Variants in SLC9B1 observed in about 807,000 individuals in gnomAD.
SLC9B1 encodes sodium/hydrogen exchanger 9B1.
In SLC9B1, 32 loss-of-function variants were observed where a neutral mutation model predicts 51.7. The observed-to-expected ratio is 0.62, with a 90% CI of 0.47 to 0.83. The LOEUF is 0.83. SLC9B1 is among the 40% of genes least tolerant of loss of function. The pLI, the probability that SLC9B1 is intolerant of heterozygous loss-of-function variation, is 0.00. For missense variants in SLC9B1, 406 were observed against 613.2 expected, an observed-to-expected ratio of 0.66 and a Z score of 3.57; for synonymous variants, 145 against 212.7, an observed-to-expected ratio of 0.68 and a Z score of 2.77.
chr4:102,901,409 AAAT>A (rs1243080732), intron 11 of SLC9B1, 77 bp from the exon 12 acceptor site: 7 of 1,528,770 alleles, frequency 4.6e-6, no homozygotes, highest in Non-Finnish European at 6.3e-6. Flanking sequence ...GGCTCTGTTA[AAAT>A]AAACAAAATC....
At chr4:102,940,867 A>G (rs1578365178) in intron 6 of SLC9B1, among the ~76,000 whole-genome samples, 1 of 152,180 alleles carries the variant, frequency 6.6e-6, no homozygotes, top group East Asian at 1.9e-4. Context: ...AAAAACAAGC[A>G]ATGGGGAAAG....
intron 3 of SLC9B1, among the ~76,000 whole-genome samples, chr4:102,983,350 T>C (rs1466702206): frequency 1.3e-5 from 2 of 152,158 alleles, no homozygotes; most frequent in South Asian, 2.1e-4. Flanking sequence ...GGTCTGTAGA[T>C]ATTGGTTCTA....
At chr4:103,014,012 T>C (rs188890783) in intron 1 of SLC9B1, among the ~76,000 whole-genome samples, 23 of 152,324 alleles carry the variant, frequency 1.5e-4, no homozygotes, top group Admixed American at 1.4e-3. Flanking sequence ...AAATGTAAGC[T>C]TGATTATGGC....
downstream of SLC9B1, among the ~76,000 whole-genome samples, chr4:102,899,930 AAG>A (rs1734711399): frequency 6.6e-6 from 1 of 152,160 alleles, no homozygotes; most frequent in Non-Finnish European, 1.5e-5. Context: ...TGTATTTTCT[AAG>A]AGTTATTTCC....
At chr4:102,950,125 G>C (rs1274418530) in intron 3 of SLC9B1, among the ~76,000 whole-genome samples, 2 of 152,112 alleles carry the variant, frequency 1.3e-5, no homozygotes, top group Admixed American at 6.6e-5. Flanking sequence ...AGGATGACTG[G>C]CTGTGATAAG....
At chr4:102,983,329 TGA>T (rs1457478451) in intron 3 of SLC9B1, among the ~76,000 whole-genome samples, 15 of 152,174 alleles carry the variant, frequency 9.9e-5, no homozygotes, top group African/African-American at 3.6e-4. Flanking sequence ...TCTATGTGCA[TGA>T]GAGATATTGG....
At chr4:102,994,268 C>G (rs575031562) in intron 1 of SLC9B1, among the ~76,000 whole-genome samples, 1 of 152,274 alleles carries the variant, frequency 6.6e-6, no homozygotes, top group East Asian at 1.9e-4. Flanking sequence ...AATTATCACT[C>G]TCAAGTTCAA....
intron 3 of SLC9B1, among the ~76,000 whole-genome samples, chr4:102,969,841 T>C (rs1738654100): frequency 6.6e-6 from 1 of 152,036 alleles, no homozygotes; most frequent in Admixed American, 6.6e-5. Context: ...ACATGACGCA[T>C]ACACAAGCTT....
intron 1 of SLC9B1, among the ~76,000 whole-genome samples, chr4:103,008,468 C>G (rs529507726): frequency 4.0e-5 from 6 of 150,956 alleles, no homozygotes; most frequent in Non-Finnish European, 5.9e-5. Context: ...GGATGGAGTG[C>G]AGTGGTGCGA....
At chr4:103,010,663 T>C (rs1424138386) in intron 1 of SLC9B1, among the ~76,000 whole-genome samples, 1 of 152,216 alleles carries the variant, frequency 6.6e-6, no homozygotes, top group Non-Finnish European at 1.5e-5. Context: ...GTGCCTTGAA[T>C]GCTGCATCTT....
At chr4:102,911,672 T>C in intron 7 of SLC9B1, 135 bp from the exon 8 acceptor site, 1 of 579,636 alleles carries the variant, frequency 1.7e-6, no homozygotes, top group Non-Finnish European at 3.0e-6. Flanking sequence ...ATGGTCTTTT[T>C]ATAGTGACAT....
At chr4:102,989,016 C>A (rs1309005709) in intron 3 of SLC9B1, among the ~76,000 whole-genome samples, 1 of 152,032 alleles carries the variant, frequency 6.6e-6, no homozygotes, top group Non-Finnish European at 1.5e-5. Flanking sequence ...ATCACTTACA[C>A]TGGCAGATGA....
At chr4:102,885,107 G>T in exon 12 of SLC9B1, 2 of 879,640 alleles carry the variant, frequency 2.3e-6, no homozygotes, top group Non-Finnish European at 1.9e-6. Context: ...CCATTAAAAA[G>T]GAATTAATGT....
At chr4:102,955,032 G>A (rs1737711375) in intron 3 of SLC9B1, among the ~76,000 whole-genome samples, 2 of 152,150 alleles carry the variant, frequency 1.3e-5, no homozygotes, top group Admixed American at 1.3e-4. Flanking sequence ...GTTTTGGGTA[G>A]GATTGGTAAA....
chr4:102,991,372 G>C (rs1040518579), intron 2 of SLC9B1, among the ~76,000 whole-genome samples: 5 of 151,982 alleles, frequency 3.3e-5, no homozygotes, highest in African/African-American at 1.2e-4. Context: ...AGTTTTCCCT[G>C]AATGTGGTGA....
At chr4:102,960,004 T>C (rs1263562944) in intron 3 of SLC9B1, among the ~76,000 whole-genome samples, 1 of 151,846 alleles carries the variant, frequency 6.6e-6, no homozygotes, top group Non-Finnish European at 1.5e-5. Context: ...GTTTTTTTTT[T>C]TAAAAGAAAA....
intron 9 of SLC9B1, among the ~76,000 whole-genome samples, chr4:102,909,535 G>A (rs1166554597): frequency 6.6e-6 from 1 of 152,190 alleles, no homozygotes; most frequent in Non-Finnish European, 1.5e-5. Context: ...TCCAGGAGGT[G>A]GAGTTTGCAG....
intron 3 of SLC9B1, among the ~76,000 whole-genome samples, chr4:102,972,528 G>A (rs1429589947): frequency 1.3e-5 from 2 of 152,150 alleles, no homozygotes; most frequent in Non-Finnish European, 2.9e-5. Context: ...TTACAGGTGT[G>A]AGCCACTGTG....
At chr4:102,996,267 C>G (rs1169839872) in intron 1 of SLC9B1, among the ~76,000 whole-genome samples, 1 of 151,906 alleles carries the variant, frequency 6.6e-6, no homozygotes, top group Non-Finnish European at 1.5e-5. Context: ...TGTTGGAGTT[C>G]TTTTTAGGTA....
Sources: gnomAD v4.1 joint callset for allele counts (sites outside exome capture counted in the v4.1 genomes callset) on GRCh38, gnomAD v4.1.1 for gene constraint, MANE v1.5 for transcripts, NCBI Gene and HGNC (gene_info 2026-07-23, HGNC 2026-07-21) for gene names.